BCKDHB: variants seen among roughly 807,000 people sequenced by gnomAD.
BCKDHB encodes the protein 2-oxoisovalerate dehydrogenase subunit beta, mitochondrial.
Under a neutral mutation model 48.5 loss-of-function variants are expected in BCKDHB, and 41 were observed. The observed-to-expected ratio is 0.85, with a 90% CI of 0.66 to 1.10. The LOEUF is 1.10. BCKDHB is among the 50% of genes least tolerant of loss of function. BCKDHB has a pLI of 0.00. For synonymous variants in BCKDHB, 201 were observed against 174.8 expected, an observed-to-expected ratio of 1.15 and a Z score of -1.18; for missense variants, 496 against 494.2, an observed-to-expected ratio of 1.00 and a Z score of -0.03.
intron 3 of BCKDHB, among the ~76,000 whole-genome samples, chr6:80,138,466 C>G (rs977159452): frequency 1.3e-5 from 2 of 151,952 alleles, no homozygotes; most frequent in African/African-American, 4.8e-5. Context: ...ACAACAGTCC[C>G]CAGAGTGTGA....
At chr6:80,192,429 T>A (rs1582322965) in intron 6 of BCKDHB, among the ~76,000 whole-genome samples, 1 of 152,296 alleles carries the variant, frequency 6.6e-6, no homozygotes, top group East Asian at 1.9e-4. Flanking sequence ...TATGTGTAGC[T>A]CCTTGCTATA....
intron 6 of BCKDHB, among the ~76,000 whole-genome samples, chr6:80,189,199 G>T (rs1166369887): frequency 6.6e-6 from 1 of 151,964 alleles, no homozygotes; most frequent in Admixed American, 6.6e-5. Flanking sequence ...TTTTATACAC[G>T]GTTGTCAGTA....
rs147954983 is a variant in BCKDHB, at chr6:80,340,580, G to T, written c.1039-3084G>T. Among the ~76,000 whole-genome samples the T allele has an allele frequency of 1.7e-3, 257 of 152,280 alleles. 1 individual carries two copies. Among genetic ancestry groups the T allele is most frequent in the African/African-American group, 6.0e-3 (248 of 41,546 alleles). On this transcript the variant is annotated intron_variant, in intron 9 of 9. Coordinates refer to ENST00000320393, the MANE Select transcript of BCKDHB (RefSeq NM_183050.4). Reference sequence around the variant, plus strand: ...CATTACTTAATTCCCAATTTATGTGGCTTACTTTTTCTGAATGAAAAGTCA... The same window carrying T: ...CATTACTTAATTCCCAATTTATGTGTCTTACTTTTTCTGAATGAAAAGTCA...
chr6:80,178,464 A>G (rs73479959), intron 6 of BCKDHB, among the ~76,000 whole-genome samples: 7,495 of 152,292 alleles, frequency 0.049, 299 homozygotes, highest in South Asian at 0.19. Context: ...TTTAACACAG[A>G]TACTTCTTTT....
At chr6:80,405,075 G>T in the BCKDHB span, among the ~76,000 whole-genome samples, 1 of 151,942 alleles carries the variant, frequency 6.6e-6, no homozygotes, top group African/African-American at 2.4e-5. Context: ...TGCTGCTCAT[G>T]TTTACTGCTT....
intron 9 of BCKDHB, among the ~76,000 whole-genome samples, chr6:80,300,629 G>A (rs1341349475): frequency 2.6e-5 from 4 of 152,174 alleles, no homozygotes; most frequent in Admixed American, 2.6e-4. Flanking sequence ...AACTCTGGAT[G>A]TTAACTCAAC....
intron 1 of BCKDHB, among the ~76,000 whole-genome samples, chr6:80,111,115 A>G (rs1224817818): frequency 6.6e-6 from 1 of 152,258 alleles, no homozygotes; most frequent in Non-Finnish European, 1.5e-5. Flanking sequence ...GACAAATCAA[A>G]GGAGGAATAA....
intron 9 of BCKDHB, among the ~76,000 whole-genome samples, chr6:80,287,355 G>A (rs1385172251): frequency 6.6e-6 from 1 of 152,106 alleles, no homozygotes; most frequent in Non-Finnish European, 1.5e-5. Flanking sequence ...TAAGAGATTA[G>A]TGATAATGGA....
chr6:80,174,550 A>G (rs180920767), intron 6 of BCKDHB, among the ~76,000 whole-genome samples: 70 of 152,256 alleles, frequency 4.6e-4, no homozygotes, highest in African/African-American at 1.7e-3. Flanking sequence ...AGTTGAAAAA[A>G]ATTTGCGTAT....
chr6:80,406,964 C>T, the BCKDHB span, among the ~76,000 whole-genome samples: 22 of 151,994 alleles, frequency 1.4e-4, no homozygotes, highest in Non-Finnish European at 2.6e-4. Context: ...GCCTACGTTT[C>T]CTTCTAGGGT....
At chr6:80,263,153 G>T (rs1010915890) in intron 8 of BCKDHB, among the ~76,000 whole-genome samples, 5 of 151,978 alleles carry the variant, frequency 3.3e-5, no homozygotes, top group African/African-American at 1.2e-4. Flanking sequence ...AGATTTTTGT[G>T]CCTCTGTTGT....
intron 8 of BCKDHB, among the ~76,000 whole-genome samples, chr6:80,271,295 A>G (rs932918172): frequency 7.9e-5 from 12 of 152,152 alleles, no homozygotes; most frequent in African/African-American, 2.2e-4. Flanking sequence ...ATACTCTACT[A>G]TGTTGATGCA....
chr6:80,107,011 C>G, intron 1 of BCKDHB, 122 bp downstream of exon 1: 3 of 1,247,406 alleles, frequency 2.4e-6, no homozygotes, highest in Non-Finnish European at 3.4e-6. Context: ...AACTTCCTGA[C>G]TCTCTGGAAC....
intron 8 of BCKDHB, among the ~76,000 whole-genome samples, chr6:80,234,971 T>C (rs1311641104): frequency 6.6e-6 from 1 of 152,168 alleles, no homozygotes; most frequent in Non-Finnish European, 1.5e-5. Flanking sequence ...AATGATCTTA[T>C]GGAGCTAGTG....
chr6:80,406,682 T>C, the BCKDHB span, among the ~76,000 whole-genome samples: 5 of 152,234 alleles, frequency 3.3e-5, no homozygotes, highest in Admixed American at 6.5e-5. Flanking sequence ...TCATATCCTT[T>C]GCCTACTTTT....
At chr6:80,290,783 T>C (rs1766870054) in intron 9 of BCKDHB, among the ~76,000 whole-genome samples, 1 of 152,238 alleles carries the variant, frequency 6.6e-6, no homozygotes, top group African/African-American at 2.4e-5. Context: ...GGCTACTCCA[T>C]AGACAGAGCA....
intron 9 of BCKDHB, among the ~76,000 whole-genome samples, chr6:80,300,370 A>G (rs193214352): frequency 1.3e-5 from 2 of 152,320 alleles, no homozygotes; most frequent in Admixed American, 6.5e-5. Context: ...CTATTCTTAT[A>G]TCAGTAAAAC....
chr6:80,136,978 A>G (rs1013997900), intron 3 of BCKDHB, among the ~76,000 whole-genome samples: 2 of 152,182 alleles, frequency 1.3e-5, no homozygotes, highest in Non-Finnish European at 2.9e-5. Flanking sequence ...GTTGCTGAGG[A>G]TGAAATTGGA....
At position 80,343,869 on chromosome 6, in the gene BCKDHB, C is replaced by A. The variant is rs968970621; in HGVS notation, c.*65C>A. 5.1e-6 allele frequency: 8 copies of A among 1,566,242 alleles called. No individual in the cohort carries two copies. The Admixed American group carries it at 1.3e-4, about 26-fold the overall frequency. On this transcript the variant is annotated 3_prime_UTR_variant, in exon 10 of 10. Transcript: ENST00000320393. ...GCCCCTGACATTAACGTACTGTTAA[C>A]CAAGACACAGCAATCATCAGTGTTT...
Sources: gnomAD v4.1 joint callset for allele counts (sites outside exome capture counted in the v4.1 genomes callset) on GRCh38, gnomAD v4.1.1 for gene constraint, MANE v1.5 for transcripts, NCBI Gene and HGNC (gene_info 2026-07-23, HGNC 2026-07-21) for gene names.